The following NIBAN1 variants were observed in gnomAD, a reference collection of about 807,000 sequenced individuals.
NIBAN1 encodes niban apoptosis regulator 1, also known as protein Niban 1.
NIBAN1 carries 81 observed loss-of-function variants against 75.1 expected under a neutral mutation model. The observed-to-expected ratio is 1.08, with a 90% CI of 0.90 to 1.30. The LOEUF (loss-of-function observed/expected upper bound fraction) is 1.30, where lower values mean the gene tolerates loss of function less well. NIBAN1 is among the 50% of genes most tolerant of loss of function. NIBAN1 has a pLI of 0.00. For synonymous variants in NIBAN1, 436 were observed against 424.8 expected, an observed-to-expected ratio of 1.03 and a Z score of -0.32; for missense variants, 1,133 against 1,128.1, an observed-to-expected ratio of 1.00 and a Z score of -0.06.
At chr1:184,823,382 T>C (rs1048235175) in intron 7 of NIBAN1, 53 bp from the exon 8 acceptor site, 2 of 1,590,928 alleles carry the variant, frequency 1.3e-6, no homozygotes, top group African/African-American at 1.3e-5. Flanking sequence ...TAAGCACTGA[T>C]GGAGTCAAGT....
At position 184,794,665 on chromosome 1, in the gene NIBAN1, C is replaced by T; in HGVS notation, c.*312G>A. The T allele has an allele frequency of 2.2e-6, 1 of 458,360 alleles. No homozygotes were observed. Among genetic ancestry groups the T allele is most frequent in the South Asian group, 2.1e-5 (1 of 46,728 alleles). The allele number at this position is 458,360 out of a possible 1,614,324, so 28.4% of individuals were successfully genotyped here. A position where few individuals can be genotyped will look rare whatever the true frequency, so the allele number is the denominator to read the frequency against. On this transcript the variant is annotated 3_prime_UTR_variant, in exon 14 of 14. Transcript: ENST00000367511. The stretch of plus-strand genomic sequence containing the variant: ...TGCAGAGTATACTCAAAACTGTCAT[C>T]CTACTGTTTTCTCAGTCTTCCCTGC...
chr1:184,874,004 G>A (rs2102291494), intron 5 of NIBAN1, among the ~76,000 whole-genome samples: 1 of 152,218 alleles, frequency 6.6e-6, no homozygotes, highest in East Asian at 1.9e-4. Context: ...CAACCTATAA[G>A]TGGAGAGGGG....
intron 1 of NIBAN1, among the ~76,000 whole-genome samples, chr1:184,964,230 T>C (rs1244514108): frequency 6.6e-6 from 1 of 152,184 alleles, no homozygotes. Context: ...AGGATGCAGA[T>C]GGGGAGTTTT....
At chr1:184,920,941 C>T (rs188029531) in intron 1 of NIBAN1, among the ~76,000 whole-genome samples, 1 of 152,178 alleles carries the variant, frequency 6.6e-6, no homozygotes, top group Non-Finnish European at 1.5e-5. Context: ...CGAGACCTGA[C>T]CAGCATGGTG....
At chr1:184,832,556 T>G (rs1355897580) in intron 5 of NIBAN1, among the ~76,000 whole-genome samples, 1 of 152,192 alleles carries the variant, frequency 6.6e-6, no homozygotes, top group Non-Finnish European at 1.5e-5. Flanking sequence ...ATTTTACAGA[T>G]GAGGAGACTG....
intron 5 of NIBAN1, among the ~76,000 whole-genome samples, chr1:184,834,166 T>C (rs1216457023): frequency 6.6e-6 from 1 of 152,212 alleles, no homozygotes; most frequent in Non-Finnish European, 1.5e-5. Flanking sequence ...GCTTCATCCA[T>C]GTCCCTGCAA....
At chr1:184,884,930 G>T in intron 4 of NIBAN1, 130 bp from the exon 5 acceptor site, 1 of 1,166,190 alleles carries the variant, frequency 8.6e-7, no homozygotes. Context: ...TATTTTCACA[G>T]GATAGGGAAA....
intron 1 of NIBAN1, among the ~76,000 whole-genome samples, chr1:184,909,548 G>C (rs1657187857): frequency 6.6e-6 from 1 of 152,132 alleles, no homozygotes; most frequent in African/African-American, 2.4e-5. Context: ...AGGCTTGGGA[G>C]GGTCCAGGAA....
At chr1:184,878,978 A>T (rs1041814806) in intron 5 of NIBAN1, among the ~76,000 whole-genome samples, 1 of 152,170 alleles carries the variant, frequency 6.6e-6, no homozygotes, top group Admixed American at 6.5e-5. Flanking sequence ...TAAAAACCAC[A>T]TACTCACAAG....
intron 5 of NIBAN1, among the ~76,000 whole-genome samples, chr1:184,853,500 T>C (rs1655598149): frequency 6.6e-6 from 1 of 152,252 alleles, no homozygotes; most frequent in African/African-American, 2.4e-5. Flanking sequence ...ATGAGTCTGA[T>C]GTTCCACTGA....
intron 1 of NIBAN1, among the ~76,000 whole-genome samples, chr1:184,902,560 G>T (rs1459304493): frequency 6.6e-6 from 1 of 152,144 alleles, no homozygotes; most frequent in African/African-American, 2.4e-5. Flanking sequence ...GCTGAACTAA[G>T]GAATTAAGGA....
chr1:184,836,194 G>C (rs1388264357), intron 5 of NIBAN1, among the ~76,000 whole-genome samples: 1 of 152,136 alleles, frequency 6.6e-6, no homozygotes, highest in African/African-American at 2.4e-5. Flanking sequence ...TAGTACACTG[G>C]GAGGGACTTT....
chr1:184,942,723 G>T (rs1038835462), intron 1 of NIBAN1, among the ~76,000 whole-genome samples: 5 of 150,412 alleles, frequency 3.3e-5, no homozygotes, highest in African/African-American at 1.2e-4. Flanking sequence ...AAAGAATCAG[G>T]TTCCTCCTGG....
chr1:184,819,075 A>G (rs1334742083), intron 8 of NIBAN1, among the ~76,000 whole-genome samples: 1 of 152,002 alleles, frequency 6.6e-6, no homozygotes, highest in Non-Finnish European at 1.5e-5. Context: ...GATAAAATGC[A>G]TTTTTCTGCT....
At chr1:184,860,892 A>G (rs1451227663) in intron 5 of NIBAN1, among the ~76,000 whole-genome samples, 1 of 152,224 alleles carries the variant, frequency 6.6e-6, no homozygotes, top group Non-Finnish European at 1.5e-5. Flanking sequence ...AGTCTACTTC[A>G]TGATGAGACA....
intron 5 of NIBAN1, among the ~76,000 whole-genome samples, chr1:184,864,292 A>T (rs1401439122): frequency 6.6e-6 from 1 of 152,238 alleles, no homozygotes; most frequent in African/African-American, 2.4e-5. Flanking sequence ...AATGTGAGCT[A>T]TCATTAGTAT....
chr1:184,887,296 T>A (rs983157291), intron 4 of NIBAN1, among the ~76,000 whole-genome samples: 1 of 152,112 alleles, frequency 6.6e-6, no homozygotes, highest in African/African-American at 2.4e-5. Flanking sequence ...TGAATCAACA[T>A]GAAAACGAGC....
intron 1 of NIBAN1, among the ~76,000 whole-genome samples, chr1:184,933,370 C>G (rs1364968290): frequency 6.6e-6 from 1 of 152,246 alleles, no homozygotes; most frequent in Non-Finnish European, 1.5e-5. Context: ...TCTGACCTAT[C>G]TTAATTGCTA....
intron 3 of NIBAN1, among the ~76,000 whole-genome samples, chr1:184,893,797 A>G (rs1656731060): frequency 1.3e-5 from 2 of 152,242 alleles, no homozygotes; most frequent in African/African-American, 2.4e-5. Flanking sequence ...TTCAAAGTCT[A>G]TCTTGCCACT....
Sources: gnomAD v4.1 joint callset for allele counts (sites outside exome capture counted in the v4.1 genomes callset) on GRCh38, gnomAD v4.1.1 for gene constraint, MANE v1.5 for transcripts, NCBI Gene and HGNC (gene_info 2026-07-23, HGNC 2026-07-21) for gene names.